ACOX3: variants seen among roughly 807,000 people sequenced by gnomAD.
ACOX3 encodes the protein peroxisomal acyl-coenzyme A oxidase 3.
A neutral mutation model predicts 81.5 loss-of-function variants in ACOX3; 73 were observed. The ratio of observed to expected loss-of-function variants is 0.90; its 90% CI spans 0.74 to 1.09. The LOEUF is 1.09. Among genes scored for constraint, ACOX3 ranks in the 50% least tolerant of loss-of-function variants. The probability of loss-of-function intolerance (pLI) is 0.00; values close to 1 mark genes in which losing one functional copy is unlikely to be tolerated. For missense variants in ACOX3, 947 were observed against 928.0 expected, an observed-to-expected ratio of 1.02 and a Z score of -0.27; for synonymous variants, 387 against 375.1, an observed-to-expected ratio of 1.03 and a Z score of -0.37.
At chr4:8,363,652 G>A (rs1715277748), downstream of ACOX3, among the ~76,000 whole-genome samples, 1 of 152,124 alleles carries the variant, frequency 6.6e-6, no homozygotes, top group Admixed American at 6.5e-5. Flanking sequence ...AGACCTACTG[G>A]GCTGCATTCC....
intron 5 of ACOX3, among the ~76,000 whole-genome samples, chr4:8,412,393 GGAATGAATGGATGGATGAAA>G (rs1578961349): frequency 2.6e-5 from 4 of 151,916 alleles, no homozygotes; most frequent in South Asian, 2.1e-4. Context: ...CCCAGGCTGT[GGAATGAATGGATGGATGAAA>G]GAATGAATGG....
At chr4:8,411,903 C>T (rs1264442791) in intron 5 of ACOX3, among the ~76,000 whole-genome samples, 2 of 152,256 alleles carry the variant, frequency 1.3e-5, no homozygotes, top group Admixed American at 1.3e-4. Context: ...CAAATAAATG[C>T]TCAGCCAGCA....
intron 15 of ACOX3, 52 bp from the exon 16 acceptor site, chr4:8,373,680 C>A: frequency 6.4e-7 from 1 of 1,552,000 alleles, no homozygotes; most frequent in Non-Finnish European, 8.8e-7. Flanking sequence ...CAAAACCACC[C>A]CCAATACCAA....
At position 8,394,187 on chromosome 4, in the gene ACOX3, C is replaced by T. The variant is rs183578104; in HGVS notation, c.1179+433G>A. On this transcript the variant is annotated intron_variant, in intron 10 of 17. Coordinates refer to ENST00000356406, the MANE Select transcript of ACOX3 (RefSeq NM_003501.3). This position sits in a 1 kb window ranked among gnomAD's most constrained non-coding sequence, Gnocchi z 5.9. The stretch of plus-strand genomic sequence containing the variant: ...ATCCGTTCCCGATGTCTCTTTATGC[C>T]GAGGCTGATCTCGGGATTTGCACGC... Among the ~76,000 whole-genome samples, 104 of 152,250 alleles carry T rather than the reference C, an allele frequency of 6.8e-4. No individual in the cohort carries two copies. Among genetic ancestry groups the T allele is most frequent in the African/African-American group, 2.3e-3 (97 of 41,556 alleles).
At chr4:8,402,783 G>A (rs1720513303) in intron 7 of ACOX3, among the ~76,000 whole-genome samples, 1 of 152,224 alleles carries the variant, frequency 6.6e-6, no homozygotes, top group Non-Finnish European at 1.5e-5. Flanking sequence ...ACATGCACGT[G>A]GCACGGGAGG....
At chr4:8,415,612 T>C (rs1329070434) in intron 3 of ACOX3, among the ~76,000 whole-genome samples, 154 bp downstream of exon 3, 1 of 152,116 alleles carries the variant, frequency 6.6e-6, no homozygotes, top group African/African-American at 2.4e-5. Flanking sequence ...GAAATTTTTT[T>C]AAAAACATTA....
chr4:8,435,854 C>T (rs541721482), intron 1 of ACOX3, among the ~76,000 whole-genome samples: 101 of 152,202 alleles, frequency 6.6e-4, no homozygotes, highest in Middle Eastern at 6.8e-3. Context: ...GCCCAGCCTA[C>T]CCCCCTTTAC....
chr4:8,375,470 G>A (rs933998361), intron 14 of ACOX3, among the ~76,000 whole-genome samples: 9 of 152,312 alleles, frequency 5.9e-5, no homozygotes, highest in Admixed American at 3.3e-4. Context: ...AGCCGGCCTC[G>A]GGATGCTCTG....
chr4:8,390,467 T>C (rs1568693), intron 11 of ACOX3, among the ~76,000 whole-genome samples: 59,596 of 152,080 alleles, frequency 0.39, 14,333 homozygotes, highest in African/African-American at 0.69. Context: ...GGCATGGGGT[T>C]GCTGATAGGA....
At chr4:8,357,066 G>C in the ACOX3 span, 3 of 456,110 alleles carry the variant, frequency 6.6e-6, no homozygotes, top group Admixed American at 7.1e-5. Flanking sequence ...GTGGAGAACG[G>C]TGCACGCTTA....
At chr4:8,420,907 C>T (rs895208686) in intron 1 of ACOX3, among the ~76,000 whole-genome samples, 3 of 152,300 alleles carry the variant, frequency 2.0e-5, no homozygotes, top group South Asian at 2.1e-4. Flanking sequence ...TGCCTGGGTT[C>T]GTCCTAATTG....
At chr4:8,361,015 T>TA in the ACOX3 span, among the ~76,000 whole-genome samples, 9 of 151,958 alleles carry the variant, frequency 5.9e-5, no homozygotes, top group African/African-American at 1.4e-4. Context: ...TTAAGACTGC[T>TA]AAAAAAAACA....
chr4:8,397,745 G>A (rs571507601), intron 8 of ACOX3, among the ~76,000 whole-genome samples: 5 of 152,326 alleles, frequency 3.3e-5, no homozygotes, highest in South Asian at 2.1e-4. Context: ...GCCCTGCCCC[G>A]TGCTGCCCCA....
the ACOX3 span, chr4:8,357,542 C>T: frequency 5.0e-5 from 15 of 297,738 alleles, no homozygotes; most frequent in East Asian, 1.6e-4. Flanking sequence ...AATCAGAAAA[C>T]GGTGGCAGCA....
intron 1 of ACOX3, among the ~76,000 whole-genome samples, chr4:8,434,564 C>T (rs1047814036): frequency 2.6e-5 from 4 of 152,248 alleles, no homozygotes; most frequent in African/African-American, 9.6e-5. Context: ...CAGAGTGGTG[C>T]ATGGCAAGCC....
At chr4:8,379,933 G>C (rs760425853) in intron 14 of ACOX3, among the ~76,000 whole-genome samples, 6 of 151,858 alleles carry the variant, frequency 4.0e-5, no homozygotes, top group Admixed American at 3.9e-4. Context: ...TTACAGACAT[G>C]AGCCAGTGCA....
At position 8,374,960 on chromosome 4, in the gene ACOX3, C is replaced by T. The variant is rs182990938; in HGVS notation, c.1828+18G>A. On this transcript the variant is annotated intron_variant, in intron 15 of 17. Transcript: ENST00000356406. The stretch of plus-strand genomic sequence containing the variant: ...CTGACTCTGGGGAGGACAGCAAGCC[C>T]GCAGTCAGAAGCCTCACCTCGGTAG... 243 of 1,489,506 alleles carry T rather than the reference C, an allele frequency of 1.6e-4. 3 individuals are homozygous for T. The East Asian group carries it at 5.8e-3, about 36-fold the overall frequency. The allele number at this position is 1,489,506 out of a possible 1,614,324, so 92.3% of individuals were successfully genotyped here. A position where few individuals can be genotyped will look rare whatever the true frequency, so the allele number is the denominator to read the frequency against.
intron 6 of ACOX3, among the ~76,000 whole-genome samples, 173 bp downstream of exon 6, chr4:8,410,039 T>C (rs552460116): frequency 2.5e-4 from 38 of 152,134 alleles, no homozygotes; most frequent in African/African-American, 8.9e-4. Context: ...CGGGGCTGTT[T>C]GCACTGTGGG....
intron 15 of ACOX3, 112 bp from the exon 16 acceptor site, chr4:8,373,740 G>A: frequency 1.1e-6 from 1 of 923,968 alleles, no homozygotes; most frequent in Non-Finnish European, 1.7e-6. Context: ...GCCTGTTTTG[G>A]GTGAACACAT....
Sources: allele counts gnomAD v4.1 joint callset (sites outside exome capture counted in the v4.1 genomes callset), GRCh38; gene constraint gnomAD v4.1.1; non-coding constraint Gnocchi (gnomAD v3.1); transcripts MANE v1.5; gene names NCBI Gene and HGNC (gene_info 2026-07-23, HGNC 2026-07-21).